Variants in FNDC3B observed in about 807,000 individuals in gnomAD.
FNDC3B encodes the protein fibronectin type III domain containing 3B.
Under a neutral mutation model 151.5 loss-of-function variants are expected in FNDC3B, and 12 were observed. That is an observed-to-expected ratio of 0.08 (90% CI 0.05 to 0.13). The LOEUF (loss-of-function observed/expected upper bound fraction) is 0.13, where lower values mean the gene tolerates loss of function less well. Among genes scored for constraint, FNDC3B ranks in the 10% least tolerant of loss-of-function variants. FNDC3B has a pLI of 1.00. For missense variants in FNDC3B, 1,214 were observed against 1,505.3 expected, an observed-to-expected ratio of 0.81 and a Z score of 3.20; for synonymous variants, 528 against 549.0, an observed-to-expected ratio of 0.96 and a Z score of 0.54.
At chr3:172,238,303 G>A (rs924730254) in intron 4 of FNDC3B, among the ~76,000 whole-genome samples, 4 of 152,094 alleles carry the variant, frequency 2.6e-5, no homozygotes, top group East Asian at 3.9e-4. Context: ...TGACAGGACC[G>A]TGCCAGCACA....
At chr3:172,057,966 T>G (rs1470562440) in intron 1 of FNDC3B, among the ~76,000 whole-genome samples, 1 of 150,108 alleles carries the variant, frequency 6.7e-6, no homozygotes, top group African/African-American at 2.5e-5. Context: ...CTGGAAGGAG[T>G]GTCATTTTTA....
At chr3:172,356,054 G>A (rs1734080173) in intron 22 of FNDC3B, among the ~76,000 whole-genome samples, 1 of 152,114 alleles carries the variant, frequency 6.6e-6, no homozygotes, top group African/African-American at 2.4e-5. Flanking sequence ...TTGCTCATTT[G>A]TACTCCTTTT....
rs544848729 is a variant in FNDC3B, at chr3:172,148,528, G to A, written c.187+14982G>A. The A allele has an allele frequency of 2.6e-5, 4 of 152,296 alleles. No homozygotes were observed. In the East Asian group the frequency reaches 7.7e-4, roughly 29 times the overall value. The allele number at this position is 152,296 out of a possible 1,614,324, so 9.4% of individuals were successfully genotyped here. On this transcript the variant is annotated intron_variant, in intron 3 of 25. Transcript: ENST00000415807. ...ACACCAGTAATGATCTGGAACTGAG[G>A]AACATTGCCTACAGAAGAGAGAAGC...
At chr3:172,314,002 CAG>C (rs762149287) in intron 11 of FNDC3B, among the ~76,000 whole-genome samples, 20 of 152,330 alleles carry the variant, frequency 1.3e-4, no homozygotes, top group Admixed American at 7.2e-4. Flanking sequence ...AAGAAGGAAA[CAG>C]GAGAACGGCA....
At chr3:172,313,866 A>G (rs1374429027) in intron 11 of FNDC3B, among the ~76,000 whole-genome samples, 1 of 152,236 alleles carries the variant, frequency 6.6e-6, no homozygotes, top group Admixed American at 6.5e-5. Flanking sequence ...AGTTTCTGAC[A>G]GAACAGTCTG....
chr3:172,276,722 C>T (rs1388114203), intron 6 of FNDC3B, among the ~76,000 whole-genome samples: 1 of 152,122 alleles, frequency 6.6e-6, no homozygotes, highest in East Asian at 1.9e-4. Context: ...CAATTCTTCC[C>T]CAAAATTCTT....
At chr3:172,066,429 G>A (rs1279762708) in intron 1 of FNDC3B, among the ~76,000 whole-genome samples, 1 of 152,218 alleles carries the variant, frequency 6.6e-6, no homozygotes, top group Admixed American at 6.5e-5. Context: ...ATCTGCCCAA[G>A]GCAATATCTA....
intron 6 of FNDC3B, among the ~76,000 whole-genome samples, chr3:172,285,041 C>T (rs1305594992): frequency 6.6e-6 from 1 of 151,934 alleles, no homozygotes; most frequent in African/African-American, 2.4e-5. Flanking sequence ...CTCTCTTCTC[C>T]AAGCACTATT....
At chr3:172,108,172 A>C (rs1035176342) in intron 1 of FNDC3B, among the ~76,000 whole-genome samples, 1 of 141,650 alleles carries the variant, frequency 7.1e-6, no homozygotes, top group Non-Finnish European at 1.5e-5. Context: ...TGTCTCAAAA[A>C]AAAGAAAAAA....
At chr3:172,225,136 G>A (rs904946864) in intron 3 of FNDC3B, among the ~76,000 whole-genome samples, 4 of 152,132 alleles carry the variant, frequency 2.6e-5, no homozygotes, top group Non-Finnish European at 4.4e-5. Flanking sequence ...TGTTGTTCAC[G>A]TCTTTTATTA....
At chr3:172,337,302 G>C in intron 15 of FNDC3B, 28 bp from the exon 16 acceptor site, 1 of 1,464,670 alleles carries the variant, frequency 6.8e-7, no homozygotes, top group South Asian at 1.2e-5. Flanking sequence ...TCCTTTTATT[G>C]CTAATAAGAC....
intron 6 of FNDC3B, among the ~76,000 whole-genome samples, chr3:172,253,693 G>T (rs976887614): frequency 1.3e-5 from 2 of 152,134 alleles, no homozygotes; most frequent in African/African-American, 4.8e-5. Flanking sequence ...ACCATAACAT[G>T]TGACTTGTGT....
At chr3:172,092,228 G>A (rs1317823826) in intron 1 of FNDC3B, among the ~76,000 whole-genome samples, 1 of 152,110 alleles carries the variant, frequency 6.6e-6, no homozygotes, top group Non-Finnish European at 1.5e-5. Context: ...GGACTCCTCA[G>A]CAAACCTGGA....
intron 6 of FNDC3B, among the ~76,000 whole-genome samples, chr3:172,257,444 A>G (rs1728408617): frequency 6.6e-6 from 1 of 152,108 alleles, no homozygotes; most frequent in Admixed American, 6.6e-5. Flanking sequence ...TGAACAGGTG[A>G]GTTACAGTCA....
At chr3:172,198,213 C>CT (rs928939522) in intron 3 of FNDC3B, among the ~76,000 whole-genome samples, 62 of 77,950 alleles carry the variant, frequency 8.0e-4, no homozygotes, top group African/African-American at 2.6e-3. Flanking sequence ...AGCCATTTCT[C>CT]TAAGAAGTCC....
At chr3:172,212,485 G>A (rs972096080) in intron 3 of FNDC3B, among the ~76,000 whole-genome samples, 220 of 152,258 alleles carry the variant, frequency 1.4e-3, no homozygotes, top group Middle Eastern at 6.8e-3. Context: ...CTGCTTGTGG[G>A]GAGAAGCAGA....
intron 1 of FNDC3B, among the ~76,000 whole-genome samples, chr3:172,070,570 C>G (rs1297970188): frequency 6.6e-6 from 1 of 152,226 alleles, no homozygotes; most frequent in Non-Finnish European, 1.5e-5. Context: ...AGCACTCCGG[C>G]TACTGACTGT....
At chr3:172,205,314 C>G (rs1002242038) in intron 3 of FNDC3B, among the ~76,000 whole-genome samples, 3 of 152,102 alleles carry the variant, frequency 2.0e-5, no homozygotes, top group Non-Finnish European at 1.5e-5. Flanking sequence ...TAGGAGAGGG[C>G]CTGGCAACCA....
intron 1 of FNDC3B, among the ~76,000 whole-genome samples, chr3:172,054,760 T>C (rs1235434918): frequency 2.0e-5 from 3 of 152,134 alleles, no homozygotes; most frequent in African/African-American, 7.2e-5. Context: ...TGGTACTTAA[T>C]GCTGGCTGCC....
Sources: gnomAD v4.1 joint callset for allele counts (sites outside exome capture counted in the v4.1 genomes callset) on GRCh38, gnomAD v4.1.1 for gene constraint, MANE v1.5 for transcripts, NCBI Gene and HGNC (gene_info 2026-07-23, HGNC 2026-07-21) for gene names.